The following TMEM131L variants were observed in gnomAD, a reference collection of about 807,000 sequenced individuals.
TMEM131L encodes the protein transmembrane protein 131-like.
Under a neutral mutation model 192.2 loss-of-function variants are expected in TMEM131L, and 54 were observed. That is an observed-to-expected ratio of 0.28 (90% CI 0.23 to 0.35). The LOEUF (loss-of-function observed/expected upper bound fraction) is 0.35. TMEM131L is among the 10% of genes least tolerant of loss of function. The pLI is 1.00. For synonymous variants in TMEM131L, 701 were observed against 704.9 expected, an observed-to-expected ratio of 0.99 and a Z score of 0.09; for missense variants, 1,888 against 1,972.9, an observed-to-expected ratio of 0.96 and a Z score of 0.82.
At chr4:153,518,788 T>A (rs1251020813) in intron 3 of TMEM131L, among the ~76,000 whole-genome samples, 1 of 152,192 alleles carries the variant, frequency 6.6e-6, no homozygotes, top group East Asian at 1.9e-4. Flanking sequence ...TTCGGTGATA[T>A]CGAAACTGAC....
intron 7 of TMEM131L, among the ~76,000 whole-genome samples, chr4:153,575,526 T>G (rs1729873666): frequency 6.6e-6 from 1 of 152,188 alleles, no homozygotes; most frequent in Non-Finnish European, 1.5e-5. Context: ...TGATTTTTTT[T>G]TCTGTTTTTC....
intron 7 of TMEM131L, among the ~76,000 whole-genome samples, chr4:153,564,781 G>A (rs1337667327): frequency 6.6e-6 from 1 of 152,168 alleles, no homozygotes; most frequent in East Asian, 1.9e-4. Flanking sequence ...AAAACTGTTT[G>A]TTAATTCCCT....
At chr4:153,541,436 G>A (rs1008799830) in intron 3 of TMEM131L, among the ~76,000 whole-genome samples, 8 of 152,204 alleles carry the variant, frequency 5.3e-5, no homozygotes, top group African/African-American at 1.9e-4. Flanking sequence ...CAAGAGTCAG[G>A]GTATCAACAA....
At chr4:153,544,425 A>G (rs922699836) in intron 3 of TMEM131L, among the ~76,000 whole-genome samples, 9 of 152,258 alleles carry the variant, frequency 5.9e-5, no homozygotes, top group South Asian at 2.1e-4. Flanking sequence ...TTCCCTCGCT[A>G]TCCTCCTCAT....
intron 4 of TMEM131L, among the ~76,000 whole-genome samples, chr4:153,552,998 A>G (rs1390983971): frequency 1.3e-5 from 2 of 150,250 alleles, no homozygotes; most frequent in East Asian, 3.9e-4. Flanking sequence ...ATCTGCAGAT[A>G]TGGAGAGCCA....
At chr4:153,603,711 A>T in intron 24 of TMEM131L, 91 bp from the exon 25 acceptor site, 1 of 1,378,202 alleles carries the variant, frequency 7.3e-7, no homozygotes, top group Non-Finnish European at 9.9e-7. Context: ...CTCAGTACTG[A>T]TTGCTACCCT....
At chr4:153,484,101 A>C (rs1032658632) in intron 3 of TMEM131L, among the ~76,000 whole-genome samples, 63 of 152,104 alleles carry the variant, frequency 4.1e-4, no homozygotes, top group African/African-American at 1.5e-3. Context: ...ATATTAAGAT[A>C]ATGGGGTCTC....
chr4:153,558,466 T>G lies in TMEM131L; in HGVS notation c.660+98T>G, dbSNP rs1580211598. 3 of 593,826 alleles carry G rather than the reference T, an allele frequency of 5.1e-6. No individual in the cohort carries two copies. In the East Asian group the frequency reaches 8.5e-5, roughly 17 times the overall value. The allele number at this position is 593,826 out of a possible 1,614,324, so 36.8% of individuals were successfully genotyped here. A position where few individuals can be genotyped will look rare whatever the true frequency, so the allele number is the denominator to read the frequency against. On this transcript the variant is annotated intron_variant, in intron 7 of 34. Transcript: ENST00000409959. The stretch of plus-strand genomic sequence containing the variant: ...ACTATTTTCTGCTTTTTGAAAAAAT[T>G]ATATAGAAGTAATATACATATATAA...
chr4:153,547,330 A>C (rs7674485), intron 3 of TMEM131L, among the ~76,000 whole-genome samples: 71,191 of 152,130 alleles, frequency 0.47, 20,889 homozygotes, highest in African/African-American at 0.83. Flanking sequence ...TGAGACAGCC[A>C]AAGTTTATAT....
At chr4:153,470,896 G>A (rs1172941286) in intron 2 of TMEM131L, among the ~76,000 whole-genome samples, 1 of 152,182 alleles carries the variant, frequency 6.6e-6, no homozygotes, top group Non-Finnish European at 1.5e-5. Flanking sequence ...GGTCATTCAG[G>A]GCCTGTCCTT....
At chr4:153,622,790 C>T in intron 28 of TMEM131L, 108 bp from the exon 29 acceptor site, 1 of 1,027,958 alleles carries the variant, frequency 9.7e-7, no homozygotes, top group Non-Finnish European at 1.5e-6. Context: ...GCAGAGGTAG[C>T]TGAAGGTGAA....
chr4:153,580,225 G>A (rs1222945122), intron 7 of TMEM131L, among the ~76,000 whole-genome samples: 1 of 151,970 alleles, frequency 6.6e-6, no homozygotes, highest in Non-Finnish European at 1.5e-5. Flanking sequence ...ATCATCCCAG[G>A]GGCTGTTAAG....
In TMEM131L at chr4:153,569,074, A is replaced by T. The variant is rs146073512; in HGVS notation, c.660+10706A>T. On this transcript the variant is annotated intron_variant, in intron 7 of 34. Transcript: ENST00000409959. ...TTCTCACCCCTTCCTACAGCACAGG[A>T]TGCTTCTCTGTTGCCCACCAATTAG... Among the ~76,000 whole-genome samples, 570 of 152,316 alleles carry T rather than the reference A, an allele frequency of 3.7e-3. 5 individuals are homozygous for T. The highest frequency in any genetic ancestry group is 0.014 in the Middle Eastern group (4 of 294).
intron 31 of TMEM131L, among the ~76,000 whole-genome samples, chr4:153,631,075 C>T (rs1389131106): frequency 6.6e-6 from 1 of 152,226 alleles, no homozygotes; most frequent in Non-Finnish European, 1.5e-5. Flanking sequence ...TTAGCCAGAG[C>T]TGTGAGAACC....
intron 3 of TMEM131L, among the ~76,000 whole-genome samples, chr4:153,526,991 A>G (rs1009566407): frequency 2.0e-5 from 3 of 152,060 alleles, no homozygotes; most frequent in Non-Finnish European, 4.4e-5. Flanking sequence ...TTTGTCTGGG[A>G]CAATACCTGA....
At chr4:153,497,254 C>T (rs1269050992) in intron 3 of TMEM131L, among the ~76,000 whole-genome samples, 1 of 152,178 alleles carries the variant, frequency 6.6e-6, no homozygotes, top group East Asian at 1.9e-4. Flanking sequence ...GAGAGGATGG[C>T]AGAATGGCAA....
At chr4:153,597,261 T>C (rs989147275) in intron 20 of TMEM131L, among the ~76,000 whole-genome samples, 1 of 144,016 alleles carries the variant, frequency 6.9e-6, no homozygotes, top group African/African-American at 2.5e-5. Flanking sequence ...AATTTTTTTC[T>C]TTTTTTAATT....
chr4:153,536,903 C>T (rs62324750), intron 3 of TMEM131L, among the ~76,000 whole-genome samples: 25,397 of 152,176 alleles, frequency 0.17, 2,316 homozygotes, highest in Middle Eastern at 0.22. Context: ...GCATCCAGCA[C>T]GGGAGAAAGC....
chr4:153,619,726 G>C (rs185114241), intron 26 of TMEM131L, among the ~76,000 whole-genome samples: 69 of 152,356 alleles, frequency 4.5e-4, no homozygotes, highest in African/African-American at 1.6e-3. Flanking sequence ...ATTCGTGTTA[G>C]TTGAGTGTAT....
Sources: gnomAD v4.1 joint callset for allele counts (sites outside exome capture counted in the v4.1 genomes callset) on GRCh38, gnomAD v4.1.1 for gene constraint, MANE v1.5 for transcripts, NCBI Gene and HGNC (gene_info 2026-07-23, HGNC 2026-07-21) for gene names.